Variants in HEATR3 observed in about 807,000 individuals in gnomAD.
HEATR3 encodes the protein HEAT repeat-containing protein 3.
In HEATR3, 56 loss-of-function variants were observed where a neutral mutation model predicts 72.8. That is an observed-to-expected ratio of 0.77 (90% CI 0.62 to 0.96). HEATR3 has a LOEUF of 0.96. Ranked by LOEUF, HEATR3 falls within the 40% of genes least tolerant of loss-of-function variation. HEATR3 has a pLI of 0.00. For synonymous variants in HEATR3, 331 were observed against 318.1 expected, an observed-to-expected ratio of 1.04 and a Z score of -0.43; for missense variants, 747 against 831.4, an observed-to-expected ratio of 0.90 and a Z score of 1.25.
chr16:50,094,578 T>TG (rs2037190349), intron 11 of HEATR3, 127 bp from the exon 12 acceptor site: 2 of 536,696 alleles, frequency 3.7e-6, no homozygotes, highest in African/African-American at 4.0e-5. Flanking sequence ...GAGGGTTTTT[T>TG]TTTGTTTGTT....
chr16:50,104,957 G>C lies in HEATR3; in HGVS notation c.1939G>C (p.Gly647Arg). The C allele has an allele frequency of 1.9e-6, 3 of 1,596,380 alleles. No individual in the cohort carries two copies. The highest frequency in any genetic ancestry group is 1.2e-5 in the South Asian group (1 of 86,368). Residue 647 changes from glycine (G) to arginine (R), a missense_variant, in exon 15 of 15, where the codon GGT becomes CGT. Gly to Arg is a moderately radical substitution (Grantham distance 125). Transcript: ENST00000299192. ...TTTGCAGATACGTAAAGAAGGGAGA[G>C]GTAACTATAGCACAGATCAGCTGTG... ...FKMKIRKEGRGNYSTDQLCVL... is the reference protein window; with the variant it reads ...FKMKIRKEGRRNYSTDQLCVL...
chr16:50,068,168 C>G (rs2036538811), intron 2 of HEATR3, among the ~76,000 whole-genome samples: 1 of 152,186 alleles, frequency 6.6e-6, no homozygotes, highest in Non-Finnish European at 1.5e-5. Flanking sequence ...CATCTTCTGA[C>G]TATCTCCATA....
intron 11 of HEATR3, among the ~76,000 whole-genome samples, chr16:50,090,712 A>C (rs895980352): frequency 4.6e-5 from 7 of 152,186 alleles, no homozygotes; most frequent in African/African-American, 1.7e-4. Context: ...ATTCGGCTCT[A>C]TTACATGAGT....
In HEATR3 at chr16:50,087,243, CAT is replaced by C. The variant is rs1422778951; in HGVS notation, c.1510+893_1510+894del. Among the ~76,000 whole-genome samples the C allele has an allele frequency of 5.3e-5, 8 of 152,202 alleles. No individual in the cohort carries two copies. The South Asian group carries it at 6.2e-4, about 12-fold the overall frequency. ...AATTCTACACCTTGCCATCATCTAACATGTATCTTTCTTCAAACACCTTTGCA... is the reference window on the plus strand; with the variant it reads ...AATTCTACACCTTGCCATCATCTAACGTATCTTTCTTCAAACACCTTTGCA... On this transcript the variant is annotated intron_variant, in intron 11 of 14. Transcript: ENST00000299192.
intron 14 of HEATR3, among the ~76,000 whole-genome samples, chr16:50,104,533 A>C (rs1445153036): frequency 6.6e-6 from 1 of 152,140 alleles, no homozygotes; most frequent in Non-Finnish European, 1.5e-5. Flanking sequence ...CAGCCTAACA[A>C]AGGAATTTCA....
chr16:50,097,818 G>T (rs940031556), intron 12 of HEATR3, among the ~76,000 whole-genome samples: 13 of 152,066 alleles, frequency 8.5e-5, no homozygotes, highest in East Asian at 5.8e-4. Flanking sequence ...GGGAGGCTGA[G>T]GCAGGAGAAT....
chr16:50,073,532 A>C (rs2036657987), intron 5 of HEATR3: 1 of 152,198 alleles, frequency 6.6e-6, no homozygotes, highest in South Asian at 2.1e-4. Context: ...TAGAATAAAT[A>C]CTACTGAGAA....
intron 12 of HEATR3, among the ~76,000 whole-genome samples, chr16:50,096,073 C>T (rs2037227824): frequency 6.6e-6 from 1 of 151,920 alleles, no homozygotes; most frequent in South Asian, 2.1e-4. Flanking sequence ...ACCTGTAATC[C>T]CAGCACTTTG....
intron 4 of HEATR3, 84 bp from the exon 5 acceptor site, chr16:50,072,521 G>C (rs891701028): frequency 2.3e-6 from 2 of 861,592 alleles, no homozygotes; most frequent in Non-Finnish European, 3.8e-6. Context: ...ATAAAGCCTC[G>C]TTTGTTTTTT....
rs777408042 is a variant in HEATR3 at position 50,068,774 on chromosome 16, G to A, written c.312-6G>A. On this transcript the variant is annotated splice_region_variant and splice_polypyrimidine_tract_variant and intron_variant, in intron 2 of 14. Transcript: ENST00000299192. ...AAGTAAAACATGTTTTAAACTTCTT[G>A]TGTAGAAATCTCAGTGCTTGTGGAG... 6 of 1,608,534 alleles carry A rather than the reference G, an allele frequency of 3.7e-6. No individual in the cohort carries two copies. The highest frequency in any genetic ancestry group is 1.3e-5 in the African/African-American group (1 of 74,912).
At chr16:50,076,865 ATT>A (rs756365677) in intron 6 of HEATR3, among the ~76,000 whole-genome samples, 6 of 106,354 alleles carry the variant, frequency 5.6e-5, no homozygotes, top group Non-Finnish European at 7.4e-5. Flanking sequence ...ACACCTGGCT[ATT>A]TTTTTTTTTT....
intron 11 of HEATR3, among the ~76,000 whole-genome samples, chr16:50,092,441 T>TTCTTTTTTC (rs1440429965): frequency 1.5e-5 from 2 of 132,686 alleles, no homozygotes; most frequent in African/African-American, 5.6e-5. Context: ...TTTTTCTTTT[T>TTCTTTTTTC]TTTTTTTTTT....
intron 7 of HEATR3, among the ~76,000 whole-genome samples, chr16:50,083,491 G>A (rs1226276098): frequency 3.3e-5 from 5 of 152,148 alleles, no homozygotes; most frequent in Admixed American, 3.3e-4. Flanking sequence ...GTGTGTGTTA[G>A]CGCAGCCATT....
At chr16:50,081,677 A>G (rs1177293319) in intron 7 of HEATR3, among the ~76,000 whole-genome samples, 1 of 152,194 alleles carries the variant, frequency 6.6e-6, no homozygotes, top group African/African-American at 2.4e-5. Context: ...CTTCCACACT[A>G]TCCAGTGTCT....
At chr16:50,091,742 C>T (rs190894557) in intron 11 of HEATR3, among the ~76,000 whole-genome samples, 3 of 150,140 alleles carry the variant, frequency 2.0e-5, no homozygotes, top group Admixed American at 6.6e-5. Flanking sequence ...AGTGTGGTGG[C>T]GGGCACCTGT....
chr16:50,093,302 TAAC>T (rs1420684610), intron 11 of HEATR3, among the ~76,000 whole-genome samples: 2 of 152,170 alleles, frequency 1.3e-5, no homozygotes, highest in South Asian at 4.1e-4. Context: ...CTCTGTGACT[TAAC>T]AACAACAACA....
At chr16:50,070,629 G>T (rs1318633707) in intron 4 of HEATR3, among the ~76,000 whole-genome samples, 2 of 152,058 alleles carry the variant, frequency 1.3e-5, no homozygotes, top group Non-Finnish European at 2.9e-5. Flanking sequence ...TTGAACCCTG[G>T]AGGCAGAGCT....
intron 6 of HEATR3, among the ~76,000 whole-genome samples, chr16:50,077,016 T>C (rs1323583853): frequency 2.0e-5 from 3 of 151,688 alleles, no homozygotes; most frequent in Non-Finnish European, 4.4e-5. Context: ...TACAGGTGCC[T>C]GCCACCACGC....
rs950900115 is a variant in HEATR3, at chr16:50,066,318, C to T, written c.138+49C>T. 4.5e-6 allele frequency: 7 copies of T among 1,565,230 alleles called. No individual in the cohort carries two copies. The South Asian group carries it at 7.0e-5, about 16-fold the overall frequency. The stretch of plus-strand genomic sequence containing the variant: ...CGGGAGGCGAGACGAGGTTGCCCCG[C>T]GCGCGTGCGCATTGCGCGCCTTCTG... On this transcript the variant is annotated intron_variant, in intron 1 of 14. Coordinates refer to ENST00000299192, the MANE Select transcript of HEATR3 (RefSeq NM_182922.4).
Sources: allele counts gnomAD v4.1 joint callset (sites outside exome capture counted in the v4.1 genomes callset), GRCh38; gene constraint gnomAD v4.1.1; transcripts MANE v1.5; gene names NCBI Gene and HGNC (gene_info 2026-07-23, HGNC 2026-07-21).